THUMPD2: variants seen among roughly 807,000 people sequenced by gnomAD.
The protein encoded by THUMPD2 is THUMP domain 2 tRNA and snRNA guanosine methyltransferase.
In THUMPD2, 56 loss-of-function variants were observed where a neutral mutation model predicts 49.4. That is an observed-to-expected ratio of 1.13 (90% confidence interval 0.91 to 1.41). THUMPD2 has a LOEUF of 1.41. THUMPD2 is among the 40% of genes most tolerant of loss of function. The pLI, the probability that THUMPD2 is intolerant of heterozygous loss-of-function variation, is 0.00. For synonymous variants in THUMPD2, 237 were observed against 205.2 expected (o/e 1.15, Z -1.32); for missense variants, 709 against 594.5 (o/e 1.19, Z -2.00).
At chr2:39,755,812 G>T in intron 7 of THUMPD2, 77 bp downstream of exon 7, 2 of 1,196,576 alleles carry the variant, frequency 1.7e-6, no homozygotes, top group Non-Finnish European at 1.2e-6. Flanking sequence ...CATTCTACTT[G>T]TAAATAATTG....
Position 39,744,399 on chromosome 2 carries a change from G to T in THUMPD2, c.1158C>A (p.Asp386Glu), listed in dbSNP as rs749484381. Reference protein sequence around the residue: ...PFGKKFKLGKDIKSILQEMER... With the variant: ...PFGKKFKLGKEIKSILQEMER... ...CCATTTCTTGTAGAATGCTTTTGATGTCTTTTCCTAACTTAAACTTTTTCC... is the reference window on the plus strand; with the variant it reads ...CCATTTCTTGTAGAATGCTTTTGATTTCTTTTCCTAACTTAAACTTTTTCC... The change falls in exon 9 of 10, where the codon GAC becomes GAA. Residue 386 changes from aspartate (D) to glutamate (E), a missense_variant. Physicochemically the swap from Asp to Glu is conservative, Grantham distance 45. Transcript: ENST00000505747. 4 of 1,583,226 alleles carry T rather than the reference G, an allele frequency of 2.5e-6. No homozygotes were observed. In the South Asian group the frequency reaches 4.7e-5, roughly 19 times the overall value.
At position 39,755,350 on chromosome 2, in the gene THUMPD2, A is replaced by G. The variant is rs1315834955; in HGVS notation, c.1023T>C (p.Asn341=). ...TATCCTCAAGGCCTGCAGCTTTCAGATTGTCCCAAGTACCTAGTAACTGTG... is the reference window on the plus strand; with the variant it reads ...TATCCTCAAGGCCTGCAGCTTTCAGGTTGTCCCAAGTACCTAGTAACTGTG... The part of the protein sequence containing the change: ...SDSQLLGTWD[N]LKAAGLEDKI... The change falls in exon 8 of 10, where the codon AAT becomes AAC. Residue 341 remains asparagine (N), a synonymous_variant. Coordinates refer to ENST00000505747, the MANE Select transcript of THUMPD2 (RefSeq NM_025264.5). 2.6e-6 allele frequency: 4 copies of G among 1,550,790 alleles called. No individual in the cohort carries two copies. The highest frequency in any genetic ancestry group is 2.3e-5 in the Admixed American group (1 of 43,206).
At chr2:39,751,086 C>T (rs1675336497) in intron 8 of THUMPD2, among the ~76,000 whole-genome samples, 1 of 152,230 alleles carries the variant, frequency 6.6e-6, no homozygotes, top group South Asian at 2.1e-4. Context: ...ATTTCATATA[C>T]ACCTACCCCA....
At chr2:39,756,081 G>T in intron 6 of THUMPD2, 121 bp from the exon 7 acceptor site, 1 of 884,676 alleles carries the variant, frequency 1.1e-6, no homozygotes, top group Non-Finnish European at 1.8e-6. Flanking sequence ...AGGGGTGGTG[G>T]CTGAAGGGAC....
At chr2:39,739,228 CA>C (rs1347182612) in intron 9 of THUMPD2, among the ~76,000 whole-genome samples, 1 of 152,124 alleles carries the variant, frequency 6.6e-6, no homozygotes, top group Non-Finnish European at 1.5e-5. Context: ...CTCTGGCATC[CA>C]AGGCTCCTAC....
intron 6 of THUMPD2, among the ~76,000 whole-genome samples, 189 bp downstream of exon 6, chr2:39,761,142 A>G (rs1044611074): frequency 6.6e-6 from 1 of 152,196 alleles, no homozygotes; most frequent in South Asian, 2.1e-4. Context: ...AAATACTCTC[A>G]GAAGTTCAAT....
intron 3 of THUMPD2, 193 bp from the exon 4 acceptor site, chr2:39,768,694 A>G: frequency 1.5e-6 from 1 of 670,436 alleles, no homozygotes; most frequent in Non-Finnish European, 2.5e-6. Flanking sequence ...TACCTGCCCT[A>G]GCCCCCAGTA....
At position 39,736,674 on chromosome 2, in the gene THUMPD2, C is replaced by T. The variant is rs1673116334; in HGVS notation, c.*61G>A. ...GGTGCTATATGAATCCTAGAGACAG[C>T]AAACTTCTGCTGTACAGCTAACTTA... On this transcript the variant is annotated 3_prime_UTR_variant, in exon 10 of 10. Coordinates refer to ENST00000505747, the MANE Select transcript of THUMPD2 (RefSeq NM_025264.5). 2 of 1,472,902 alleles carry T rather than the reference C, an allele frequency of 1.4e-6. No homozygotes were observed. The highest frequency in any genetic ancestry group is 2.2e-5 in the Admixed American group (1 of 45,260). 91.2% of individuals were successfully genotyped at this position (1,472,902 alleles called of 1,614,324 possible). A position where few individuals can be genotyped will look rare whatever the true frequency, so the allele number is the denominator to read the frequency against.
intron 8 of THUMPD2, 145 bp from the exon 9 acceptor site, chr2:39,744,623 G>A (rs557839204): frequency 1.2e-5 from 6 of 495,408 alleles, no homozygotes; most frequent in Non-Finnish European, 2.1e-5. Flanking sequence ...GTAATTACAA[G>A]ATCCCAAAAT....
At chr2:39,772,753 C>G (rs900752019) in intron 1 of THUMPD2, among the ~76,000 whole-genome samples, 1 of 152,118 alleles carries the variant, frequency 6.6e-6, no homozygotes, top group African/African-American at 2.4e-5. Flanking sequence ...TAACATGGTT[C>G]TAAATAATCT....
At chr2:39,778,497 A>G (rs1401952252) in intron 1 of THUMPD2, among the ~76,000 whole-genome samples, 36 of 152,196 alleles carry the variant, frequency 2.4e-4, no homozygotes, top group Non-Finnish European at 8.8e-5. Context: ...TACCTTTTCT[A>G]TTATACCTTC....
At chr2:39,768,902 C>T (rs1225845153) in intron 3 of THUMPD2, 1 of 1,300,584 alleles carries the variant, frequency 7.7e-7, no homozygotes, top group East Asian at 5.5e-5. Context: ...TAGACTCACC[C>T]TTTAGGGTTT....
intron 5 of THUMPD2, among the ~76,000 whole-genome samples, chr2:39,763,091 G>A (rs528073972): frequency 6.6e-6 from 1 of 151,892 alleles, no homozygotes; most frequent in South Asian, 2.1e-4. Context: ...TAAAAATAAT[G>A]CTTTACTTTC....
At chr2:39,778,344 G>T (rs769063876) in intron 1 of THUMPD2, among the ~76,000 whole-genome samples, 7 of 152,152 alleles carry the variant, frequency 4.6e-5, no homozygotes, top group Non-Finnish European at 8.8e-5. Context: ...AATTCTTCAC[G>T]ACTCCAACCT....
intron 2 of THUMPD2, 88 bp downstream of exon 2, chr2:39,771,417 G>T: frequency 7.5e-7 from 1 of 1,337,874 alleles, no homozygotes; most frequent in Non-Finnish European, 1.0e-6. Flanking sequence ...ATATTAAAGT[G>T]TAAAATGGCT....
intron 9 of THUMPD2, among the ~76,000 whole-genome samples, chr2:39,740,491 A>C (rs1237720955): frequency 6.6e-6 from 1 of 152,198 alleles, no homozygotes; most frequent in East Asian, 1.9e-4. Flanking sequence ...CATTTATTGT[A>C]ATTTTGTTCA....
In THUMPD2 at chr2:39,779,124, G is replaced by A; in HGVS notation, c.116C>T (p.Ala39Val). ...GCGAGGCCAACTCACCTGCGTGGCC[G>A]CCAGCCGCGCCCGCACCTCTCGCAT... Reference protein sequence around the residue: ...FVMREVRARLAATQVEYISGK... With the variant: ...FVMREVRARLVATQVEYISGK... Residue 39 changes from alanine (A) to valine (V), a missense_variant, in exon 1 of 10, where the codon GCG becomes GTG. Coordinates refer to ENST00000505747, the MANE Select transcript of THUMPD2 (RefSeq NM_025264.5). The A allele has an allele frequency of 2.6e-6, 4 of 1,510,388 alleles. No individual in the cohort carries two copies. Among genetic ancestry groups the A allele is most frequent in the South Asian group, 1.2e-5 (1 of 80,974 alleles). 93.6% of individuals were successfully genotyped at this position (1,510,388 alleles called of 1,614,324 possible). A position where few individuals can be genotyped will look rare whatever the true frequency, so the allele number is the denominator to read the frequency against.
In THUMPD2 at chr2:39,768,495, C is replaced by A; in HGVS notation, c.679G>T (p.Gly227Ter). Residue 227 changes from glycine to a stop codon, truncating the protein, a stop_gained, in exon 4 of 10, where the codon GGA becomes TGA. Coordinates refer to ENST00000505747, the MANE Select transcript of THUMPD2 (RefSeq NM_025264.5). LOFTEE classifies it high-confidence loss of function. ...ATAATAGCAATTCCAATTACTTTTC[C>A]TACCTCCTGGAAAAGTACCAAGTTA... ...IGKAFTAQEV[G>*]KVIGIAIMKH... 6.2e-7 allele frequency: 1 copy of A among 1,611,288 alleles called. No individual in the cohort carries two copies. The highest frequency in any genetic ancestry group is 8.5e-7 in the Non-Finnish European group (1 of 1,178,968).
intron 1 of THUMPD2, among the ~76,000 whole-genome samples, chr2:39,775,081 A>G (rs1247094598): frequency 6.6e-6 from 1 of 152,116 alleles, no homozygotes; most frequent in Non-Finnish European, 1.5e-5. Context: ...GGAGTTTGAG[A>G]TCAGCCTGGA....
Sources: allele counts gnomAD v4.1 joint callset (sites outside exome capture counted in the v4.1 genomes callset), GRCh38; gene constraint gnomAD v4.1.1; transcripts MANE v1.5; gene names NCBI Gene and HGNC (gene_info 2026-07-23, HGNC 2026-07-21).